PHTF2: variants seen among roughly 807,000 people sequenced by gnomAD.
The protein encoded by PHTF2 is putative homeodomain transcription factor 2.
A neutral mutation model predicts 101.2 loss-of-function variants in PHTF2; 60 were observed. The ratio of observed to expected loss-of-function variants is 0.59; its 90% CI spans 0.48 to 0.73. The LOEUF is 0.73. PHTF2 is among the 30% of genes least tolerant of loss of function. The pLI is 0.00. For synonymous variants in PHTF2, 311 were observed against 307.3 expected (o/e 1.01, Z -0.13); for missense variants, 747 against 908.7 (o/e 0.82, Z 2.29).
intron 3 of PHTF2, among the ~76,000 whole-genome samples, chr7:77,872,243 G>T (rs1444671968): frequency 6.6e-6 from 1 of 152,152 alleles, no homozygotes; most frequent in Non-Finnish European, 1.5e-5. Flanking sequence ...TGGGGAAAGA[G>T]ACTGAGTGGT....
At chr7:77,917,101 CTTTA>C (rs920445596) in intron 9 of PHTF2, among the ~76,000 whole-genome samples, 3 of 151,968 alleles carry the variant, frequency 2.0e-5, no homozygotes, top group Non-Finnish European at 2.9e-5. Flanking sequence ...AGAAGTTTTC[CTTTA>C]TTTATTTACT....
intron 1 of PHTF2, among the ~76,000 whole-genome samples, chr7:77,806,905 ACT>A (rs1397625164): frequency 2.6e-5 from 4 of 152,076 alleles, no homozygotes; most frequent in Non-Finnish European, 4.4e-5. Flanking sequence ...TTAACAGTAT[ACT>A]CTGTTTCCCC....
chr7:77,933,146 G>A (rs1345101917), intron 12 of PHTF2, among the ~76,000 whole-genome samples: 1 of 152,204 alleles, frequency 6.6e-6, no homozygotes, highest in Non-Finnish European at 1.5e-5. Context: ...GCTGAGGCAG[G>A]AGAATGGCGT....
At chr7:77,897,017 A>T (rs1800932632) in intron 5 of PHTF2, among the ~76,000 whole-genome samples, 1 of 152,212 alleles carries the variant, frequency 6.6e-6, no homozygotes, top group South Asian at 2.1e-4. Context: ...AATTATAACT[A>T]AAAACTTTGA....
chr7:77,937,095 T>C (rs532355325), intron 12 of PHTF2, among the ~76,000 whole-genome samples: 125 of 151,398 alleles, frequency 8.3e-4, no homozygotes, highest in Admixed American at 2.3e-3. Context: ...AAAAAAAAAG[T>C]TAAATGGGTC....
intron 19 of PHTF2, among the ~76,000 whole-genome samples, chr7:77,954,612 G>GTGTGTGTA (rs1426693429): frequency 7.2e-4 from 65 of 90,198 alleles, no homozygotes; most frequent in African/African-American, 2.8e-3. Context: ...CAAGTACTGT[G>GTGTGTGTA]TATATATATA....
At chr7:77,929,547 T>G (rs529083814) in intron 12 of PHTF2, among the ~76,000 whole-genome samples, 1 of 152,316 alleles carries the variant, frequency 6.6e-6, no homozygotes, top group East Asian at 1.9e-4. Context: ...TAACTGGAGT[T>G]TCGTAAGTCA....
chr7:77,815,833 A>G lies in PHTF2; in HGVS notation c.-36+16862A>G, dbSNP rs1215899643. Among the ~76,000 whole-genome samples, 27 of 152,196 alleles carry G rather than the reference A, an allele frequency of 1.8e-4. 1 individual carries two copies. The highest frequency in any genetic ancestry group is 1.8e-3 in the Admixed American group (27 of 15,266). ...TTGTTTTATTGCATAAATTGGGTTAATATTCTCCTTTCTCTACTATTGCTG... is the reference window on the plus strand; with the variant it reads ...TTGTTTTATTGCATAAATTGGGTTAGTATTCTCCTTTCTCTACTATTGCTG... On this transcript the variant is annotated intron_variant, in intron 1 of 19. Coordinates refer to ENST00000416283, the Ensembl canonical transcript of PHTF2.
chr7:77,827,826 T>G (rs1383169751), intron 1 of PHTF2, among the ~76,000 whole-genome samples: 1 of 151,714 alleles, frequency 6.6e-6, no homozygotes, highest in Non-Finnish European at 1.5e-5. Flanking sequence ...TAGTTTTTAG[T>G]AGAAACTGAG....
intron 2 of PHTF2, among the ~76,000 whole-genome samples, chr7:77,850,184 C>T (rs1420905048): frequency 7.2e-6 from 1 of 139,620 alleles, no homozygotes; most frequent in African/African-American, 2.8e-5. Context: ...AACCCTGTCT[C>T]TACAAAATTT....
At chr7:77,853,620 C>A (rs1166560432) in intron 2 of PHTF2, among the ~76,000 whole-genome samples, 5 of 152,084 alleles carry the variant, frequency 3.3e-5, no homozygotes, top group Non-Finnish European at 7.4e-5. Context: ...TCTCAAACTT[C>A]TGAGCTCAAG....
At chr7:77,854,405 A>G (rs530310034) in intron 2 of PHTF2, among the ~76,000 whole-genome samples, 25 of 152,292 alleles carry the variant, frequency 1.6e-4, no homozygotes, top group East Asian at 1.5e-3. Flanking sequence ...CCTGAAGCCA[A>G]TATGGCACTG....
In PHTF2 at chr7:77,862,700, A is replaced by G. The variant is rs140223874; in HGVS notation, c.147+7866A>G. Among the ~76,000 whole-genome samples the G allele has an allele frequency of 1.9e-4, 29 of 152,334 alleles. No individual in the cohort carries two copies. In the East Asian group the frequency reaches 5.2e-3, roughly 27 times the overall value. Reference sequence around the variant, plus strand: ...TGGAATCTTTTTCATTTTTTGATGAATAGGTTTAAAACAGAGATGTTCATC... The same window carrying G: ...TGGAATCTTTTTCATTTTTTGATGAGTAGGTTTAAAACAGAGATGTTCATC... On this transcript the variant is annotated intron_variant, in intron 3 of 19. Coordinates refer to ENST00000416283, the Ensembl canonical transcript of PHTF2.
rs58290945 is a variant in PHTF2, at chr7:77,925,495, G to GTTTTTTTTTTTTTTT, written c.1119+2734_1119+2748dup. On this transcript the variant is annotated intron_variant, in intron 11 of 19. Transcript: ENST00000416283. ...GCAATTATAGGCAATAGTTTTTAGG[G>GTTTTTTTTTTTTTTT]TTTTTTTTTTTTTTTTTTTTTTTTT... Among the ~76,000 whole-genome samples, 36 of 73,166 alleles carry GTTTTTTTTTTTTTTT rather than the reference G, an allele frequency of 4.9e-4. 3 individuals carry two copies. The highest frequency in any genetic ancestry group is 1.8e-3 in the African/African-American group (32 of 17,300). The allele number at this position is 73,166 out of a possible 152,430, so 48.0% of individuals were successfully genotyped here.
chr7:77,877,995 C>T (rs754472187), intron 3 of PHTF2, among the ~76,000 whole-genome samples: 1 of 151,896 alleles, frequency 6.6e-6, no homozygotes, highest in Non-Finnish European at 1.5e-5. Context: ...GTTGGTAGTC[C>T]CTCTCAGAGT....
intron 3 of PHTF2, among the ~76,000 whole-genome samples, chr7:77,888,057 ATC>A (rs753025431): frequency 5.4e-4 from 82 of 152,120 alleles, no homozygotes; most frequent in Non-Finnish European, 1.6e-4. Flanking sequence ...ACCTTGGTAT[ATC>A]TCTCTCTGTG....
intron 5 of PHTF2, 141 bp downstream of exon 4, chr7:77,894,134 A>G (rs1450397195): frequency 2.7e-6 from 2 of 739,016 alleles, no homozygotes; most frequent in East Asian, 5.0e-5. Context: ...TTTAAAAAAG[A>G]AGTTAGGACA....
At chr7:77,876,431 A>G (rs926489236) in intron 3 of PHTF2, among the ~76,000 whole-genome samples, 2 of 152,216 alleles carry the variant, frequency 1.3e-5, no homozygotes, top group African/African-American at 4.8e-5. Context: ...AAGAATTATG[A>G]CCAGTGTTGA....
At chr7:77,903,987 A>G (rs555800831) in intron 7 of PHTF2, among the ~76,000 whole-genome samples, 4 of 152,272 alleles carry the variant, frequency 2.6e-5, no homozygotes, top group South Asian at 2.1e-4. Flanking sequence ...TCTCAGCTCT[A>G]TCCCCATTTC....
Sources: allele counts gnomAD v4.1 joint callset (sites outside exome capture counted in the v4.1 genomes callset), GRCh38; gene constraint gnomAD v4.1.1; transcripts MANE v1.5; gene names NCBI Gene and HGNC (gene_info 2026-07-23, HGNC 2026-07-21).